Variants in FCHSD2 observed in about 807,000 individuals in gnomAD.
The protein encoded by FCHSD2 is FCH and double SH3 domains 2, also known as F-BAR and double SH3 domains protein 2.
FCHSD2 carries 38 observed loss-of-function variants against 108.1 expected under a neutral mutation model. That is an observed-to-expected ratio of 0.35 (90% CI 0.27 to 0.46). The LOEUF (loss-of-function observed/expected upper bound fraction) is 0.46, where lower values mean the gene tolerates loss of function less well. FCHSD2 is among the 20% of genes least tolerant of loss of function. FCHSD2 has a pLI of 1.00. For missense variants in FCHSD2, 751 were observed against 897.8 expected, an observed-to-expected ratio of 0.84 and a Z score of 2.09; for synonymous variants, 279 against 314.7, an observed-to-expected ratio of 0.89 and a Z score of 1.20.
chr11:72,981,895 C>A (rs897997453), intron 8 of FCHSD2, among the ~76,000 whole-genome samples: 57 of 152,172 alleles, frequency 3.7e-4, no homozygotes, highest in African/African-American at 1.3e-3. Context: ...GCAAGAGGAT[C>A]CCTTGAGACC....
At chr11:73,116,727 AG>A (rs1591567269) in intron 2 of FCHSD2, among the ~76,000 whole-genome samples, 1 of 152,066 alleles carries the variant, frequency 6.6e-6, no homozygotes, top group African/African-American at 2.4e-5. Flanking sequence ...TATTAGGGAC[AG>A]GATCTCGCCA....
In FCHSD2 at chr11:73,142,279, C is replaced by G. The variant is rs995157424; in HGVS notation, c.-402G>C. ...GCGCCGCCGCTCCCGGCGGACGCAG[C>G]GGCCCCCACCCCACCCACTCAGGCG... On this transcript the variant is annotated 5_prime_UTR_variant, in exon 1 of 20. Coordinates refer to ENST00000409418, the MANE Select transcript of FCHSD2 (RefSeq NM_014824.3). The G allele has an allele frequency of 1.3e-5, 2 of 151,778 alleles. No homozygotes were observed. The highest frequency in any genetic ancestry group is 4.8e-5 in the African/African-American group (2 of 41,282). The allele number at this position is 151,778 out of a possible 1,614,324, so 9.4% of individuals were successfully genotyped here.
chr11:72,973,687 A>C (rs1857051382), intron 8 of FCHSD2, among the ~76,000 whole-genome samples: 1 of 152,150 alleles, frequency 6.6e-6, no homozygotes, highest in Non-Finnish European at 1.5e-5. Context: ...TGGTTGGGTA[A>C]ATGGGTACTC....
At chr11:72,916,300 CTTT>C (rs889180267) in intron 9 of FCHSD2, among the ~76,000 whole-genome samples, 1 of 120,244 alleles carries the variant, frequency 8.3e-6, no homozygotes. Context: ...TGGTACACAA[CTTT>C]TTTTTTTTTT....
intron 3 of FCHSD2, among the ~76,000 whole-genome samples, chr11:73,038,339 CTCTT>C (rs1858548948): frequency 6.8e-6 from 1 of 146,830 alleles, no homozygotes; most frequent in African/African-American, 2.5e-5. Flanking sequence ...AAGACCCTGT[CTCTT>C]TAAGAAAAAA....
At chr11:72,913,908 G>A (rs1855818762) in intron 9 of FCHSD2, among the ~76,000 whole-genome samples, 1 of 150,222 alleles carries the variant, frequency 6.7e-6, no homozygotes, top group African/African-American at 2.4e-5. Context: ...ACAAATCACT[G>A]CTGCTCAAAT....
intron 8 of FCHSD2, among the ~76,000 whole-genome samples, chr11:72,955,024 T>G (rs990285848): frequency 3.3e-5 from 5 of 152,230 alleles, no homozygotes; most frequent in African/African-American, 9.6e-5. Context: ...CTTTCCCACA[T>G]GCCAAGCAAT....
At chr11:73,109,311 G>A (rs188702916) in intron 2 of FCHSD2, among the ~76,000 whole-genome samples, 1 of 152,280 alleles carries the variant, frequency 6.6e-6, no homozygotes, top group East Asian at 1.9e-4. Context: ...GATTGCTATA[G>A]AAACTATGGA....
intron 8 of FCHSD2, among the ~76,000 whole-genome samples, chr11:72,929,921 G>C (rs540260318): frequency 2.0e-5 from 3 of 152,086 alleles, no homozygotes; most frequent in Non-Finnish European, 4.4e-5. Flanking sequence ...AATGATTATT[G>C]AAATGAATCA....
chr11:72,848,768 C>G (rs1448831711), intron 14 of FCHSD2, among the ~76,000 whole-genome samples: 1 of 152,142 alleles, frequency 6.6e-6, no homozygotes, highest in African/African-American at 2.4e-5. Flanking sequence ...AGGAATCTCT[C>G]TATTTAAGGA....
At chr11:73,124,833 A>C (rs1860816397) in intron 2 of FCHSD2, among the ~76,000 whole-genome samples, 1 of 152,190 alleles carries the variant, frequency 6.6e-6, no homozygotes, top group South Asian at 2.1e-4. Context: ...GATGAACCCC[A>C]AACAAGATAA....
Position 73,107,239 on chromosome 11 carries a change from G to A in FCHSD2, c.120-23499C>T, listed in dbSNP as rs567857546. Among the ~76,000 whole-genome samples, 207 of 152,256 alleles carry A rather than the reference G, an allele frequency of 1.4e-3. 1 individual carries two copies. Among genetic ancestry groups the A allele is most frequent in the Non-Finnish European group, 2.2e-3 (149 of 68,016 alleles). ...CCAGCTAAGTTTTGTATTTTTAGTAGAGACAGGGTTTCACCATGTTGGCCA... is the reference window on the plus strand; with the variant it reads ...CCAGCTAAGTTTTGTATTTTTAGTAAAGACAGGGTTTCACCATGTTGGCCA... On this transcript the variant is annotated intron_variant, in intron 2 of 19. Coordinates refer to ENST00000409418, the MANE Select transcript of FCHSD2 (RefSeq NM_014824.3).
intron 2 of FCHSD2, among the ~76,000 whole-genome samples, chr11:73,085,886 A>G (rs1859803370): frequency 6.6e-6 from 1 of 152,186 alleles, no homozygotes; most frequent in Non-Finnish European, 1.5e-5. Flanking sequence ...TAAGAAGGGG[A>G]GAAGTATGGC....
chr11:73,088,585 T>G (rs552903485), intron 2 of FCHSD2, among the ~76,000 whole-genome samples: 8 of 152,166 alleles, frequency 5.3e-5, no homozygotes, highest in Non-Finnish European at 7.4e-5. Context: ...TTAGTAAACA[T>G]ATAATGTTTG....
chr11:73,081,962 G>C (rs1167107283), intron 3 of FCHSD2, among the ~76,000 whole-genome samples: 1 of 152,096 alleles, frequency 6.6e-6, no homozygotes, highest in Non-Finnish European at 1.5e-5. Flanking sequence ...CAGCACTTAG[G>C]GAGGCTGAGG....
At chr11:72,840,096 A>G (rs1860865127) in intron 19 of FCHSD2, among the ~76,000 whole-genome samples, 1 of 152,296 alleles carries the variant, frequency 6.6e-6, no homozygotes, top group South Asian at 2.1e-4. Context: ...CCAGCCTCCT[A>G]ATCGCTCCCT....
chr11:73,006,881 G>A (rs1857752458), intron 4 of FCHSD2, among the ~76,000 whole-genome samples: 1 of 152,212 alleles, frequency 6.6e-6, no homozygotes, highest in African/African-American at 2.4e-5. Flanking sequence ...AGGAAGGAAT[G>A]ATGGAGCCTA....
chr11:72,909,097 C>T (rs1196506566), intron 9 of FCHSD2, among the ~76,000 whole-genome samples: 1 of 152,168 alleles, frequency 6.6e-6, no homozygotes, highest in African/African-American at 2.4e-5. Context: ...CCGATACTGC[C>T]GTGATCTCAG....
chr11:72,945,308 C>T (rs1856498516), intron 8 of FCHSD2, among the ~76,000 whole-genome samples: 2 of 152,168 alleles, frequency 1.3e-5, no homozygotes, highest in East Asian at 1.9e-4. Context: ...AAACGATTCC[C>T]TATTTAATAA....
Sources: gnomAD v4.1 joint callset for allele counts (sites outside exome capture counted in the v4.1 genomes callset) on GRCh38, gnomAD v4.1.1 for gene constraint, MANE v1.5 for transcripts, NCBI Gene and HGNC (gene_info 2026-07-23, HGNC 2026-07-21) for gene names.